The following CCND3 variants were observed in gnomAD, a reference collection of about 807,000 sequenced individuals.
CCND3 encodes the protein G1/S-specific cyclin-D3.
CCND3 carries 9 observed loss-of-function variants against 28.7 expected under a neutral mutation model. The observed-to-expected ratio is 0.31, with a 90% CI of 0.19 to 0.55. CCND3 has a LOEUF of 0.55. Ranked by LOEUF, CCND3 falls within the 20% of genes least tolerant of loss-of-function variation. The probability of loss-of-function intolerance (pLI) is 0.93; values close to 1 mark genes in which losing one functional copy is unlikely to be tolerated. For synonymous variants in CCND3, 164 were observed against 163.9 expected (o/e 1.00, Z 0.00); for missense variants, 315 against 385.8 (o/e 0.82, Z 1.54).
At chr6:41,950,391 G>A (rs1776273980) in intron 1 of CCND3, among the ~76,000 whole-genome samples, 1 of 152,138 alleles carries the variant, frequency 6.6e-6, no homozygotes, top group Admixed American at 6.6e-5. Flanking sequence ...GTGAGCTCTG[G>A]ATTTAGGTTG....
At chr6:41,959,346 A>C (rs1226832763) in intron 1 of CCND3, among the ~76,000 whole-genome samples, 1 of 151,918 alleles carries the variant, frequency 6.6e-6, no homozygotes, top group Non-Finnish European at 1.5e-5. Context: ...AAAACCAAAC[A>C]AACAAATGTC....
intron 1 of CCND3, among the ~76,000 whole-genome samples, chr6:42,037,665 C>T (rs1389116630): frequency 6.6e-6 from 1 of 151,964 alleles, no homozygotes; most frequent in Non-Finnish European, 1.5e-5. Context: ...TAGGGAGGGA[C>T]AAGTCAAAAG....
intron 1 of CCND3, among the ~76,000 whole-genome samples, chr6:41,958,402 C>T (rs951674246): frequency 6.6e-6 from 1 of 152,048 alleles, no homozygotes; most frequent in Admixed American, 6.6e-5. Flanking sequence ...CTCGAAAACC[C>T]CTGCTAGGTG....
At chr6:41,964,491 T>C (rs1384874078) in intron 1 of CCND3, among the ~76,000 whole-genome samples, 1 of 133,400 alleles carries the variant, frequency 7.5e-6, no homozygotes, top group Admixed American at 7.9e-5. Context: ...TGTGAATGTG[T>C]GTGTGTGAGT....
intron 1 of CCND3, among the ~76,000 whole-genome samples, chr6:41,960,702 C>T (rs1298163077): frequency 6.6e-6 from 1 of 152,192 alleles, no homozygotes; most frequent in Non-Finnish European, 1.5e-5. Flanking sequence ...AAATCTGGTA[C>T]ATGGTGGATG....
chr6:42,012,351 A>G (rs1475670905), intron 1 of CCND3, among the ~76,000 whole-genome samples: 3 of 151,936 alleles, frequency 2.0e-5, no homozygotes, highest in Admixed American at 2.0e-4. Context: ...GGGGGCGGGG[A>G]GTGGAGGTTG....
intron 1 of CCND3, among the ~76,000 whole-genome samples, chr6:42,011,470 G>C (rs897333054): frequency 5.9e-5 from 9 of 152,132 alleles, no homozygotes; most frequent in African/African-American, 2.2e-4. Flanking sequence ...CTCCACTAGA[G>C]ATTTTGATTC....
At chr6:42,028,978 T>G (rs1013262594) in intron 1 of CCND3, among the ~76,000 whole-genome samples, 3 of 148,106 alleles carry the variant, frequency 2.0e-5, no homozygotes, top group African/African-American at 7.8e-5. Flanking sequence ...ACGGTTTTTT[T>G]TTTTTTTTCC....
intron 1 of CCND3, among the ~76,000 whole-genome samples, chr6:42,036,404 T>TA (rs1554168369): frequency 3.4e-3 from 72 of 20,906 alleles, no homozygotes; most frequent in Admixed American, 6.3e-3. Context: ...TATATATATA[T>TA]TTTTTTTTTT....
At position 41,955,726 on chromosome 6, in the gene CCND3, G is replaced by A. The variant is rs549107792; in HGVS notation, c.-45-15141C>T. ...GACTAAGGAGGCAGGAGGATTGCTC[G>A]AGGCCAGGAGTTTGAAACCAGCCTG... On this transcript the variant is annotated intron_variant, in intron 1 of 4. Coordinates refer to the CCND3 transcript ENST00000372988. Among the ~76,000 whole-genome samples the A allele has an allele frequency of 5.9e-5, 9 of 151,540 alleles. No homozygotes were observed. In the East Asian group the frequency reaches 1.4e-3, roughly 23 times the overall value.
chr6:42,000,234 CTTTTTTTTTT>C (rs70987562), intron 1 of CCND3, among the ~76,000 whole-genome samples: 875 of 51,038 alleles, frequency 0.017, 33 homozygotes, highest in Admixed American at 0.034. Context: ...TGAAAACATA[CTTTTTTTTTT>C]TTTTTTTTTT....
At position 41,937,431 on chromosome 6, in the gene CCND3, AGAAGT is replaced by A. The variant is rs1561950353; in HGVS notation, c.415-42_415-38del. 5.0e-6 allele frequency: 8 copies of A among 1,611,522 alleles called. No homozygotes were observed. In the Admixed American group the frequency reaches 6.7e-5, roughly 13 times the overall value. On this transcript the variant is annotated intron_variant, in intron 2 of 4. Transcript: ENST00000372991. Reference sequence around the variant, plus strand: ...GGGAAAGGGTGGGGTCAGTGGCTGGAGAAGTGAAGAGGAGGGAGCAAAGCAGAAGT... The same window carrying A: ...GGGAAAGGGTGGGGTCAGTGGCTGGAGAAGAGGAGGGAGCAAAGCAGAAGT...
intron 1 of CCND3, among the ~76,000 whole-genome samples, chr6:42,046,293 C>T (rs556157467): frequency 6.6e-5 from 10 of 152,282 alleles, no homozygotes; most frequent in African/African-American, 2.4e-4. Flanking sequence ...ATTATCCCAG[C>T]CTGTCTGGAG....
At position 41,941,641 on chromosome 6, in the gene CCND3, C is replaced by A; in HGVS notation, c.9G>T (p.Leu3=). ME[L]LCCEGTRHAP... ...CGTGCCGGGTGCCTTCGCAACACAG[C>A]AGCTCCATACTCGGGCAGCGAACAG... Residue 3 remains leucine (L), a synonymous_variant, in exon 1 of 5, where the codon CTG becomes CTT. Coordinates refer to ENST00000372991, the MANE Select transcript of CCND3 (RefSeq NM_001760.5). The surrounding 1 kb of genome is among the most constrained non-coding windows in gnomAD (Gnocchi z 6.1). The A allele has an allele frequency of 6.8e-7, 1 of 1,466,638 alleles. No homozygotes were observed. Among genetic ancestry groups the A allele is most frequent in the Non-Finnish European group, 9.0e-7 (1 of 1,108,364 alleles). 90.9% of individuals were successfully genotyped at this position (1,466,638 alleles called of 1,614,324 possible).
At chr6:41,971,398 G>A (rs1193462348) in intron 1 of CCND3, among the ~76,000 whole-genome samples, 1 of 151,988 alleles carries the variant, frequency 6.6e-6, no homozygotes, top group Non-Finnish European at 1.5e-5. Flanking sequence ...CTGAGTAGCT[G>A]GGACTACAGG....
At chr6:41,942,341 T>C (rs1776060957), upstream of CCND3, among the ~76,000 whole-genome samples, 2 of 152,342 alleles carry the variant, frequency 1.3e-5, no homozygotes, top group East Asian at 3.9e-4. Context: ...TTCTACACCA[T>C]TGCTAGTTAA....
chr6:41,943,845 T>C (rs947215242), upstream of CCND3, among the ~76,000 whole-genome samples: 1 of 152,244 alleles, frequency 6.6e-6, no homozygotes, highest in African/African-American at 2.4e-5. Flanking sequence ...ACATTTCTTA[T>C]GTACATTACC....
At chr6:42,028,747 T>G (rs977372515) in intron 1 of CCND3, among the ~76,000 whole-genome samples, 1 of 152,198 alleles carries the variant, frequency 6.6e-6, no homozygotes, top group Non-Finnish European at 1.5e-5. Flanking sequence ...AGTTTCCTTA[T>G]CTGCACAGTA....
At chr6:41,949,151 C>T (rs1297125250) in intron 1 of CCND3, among the ~76,000 whole-genome samples, 1 of 152,132 alleles carries the variant, frequency 6.6e-6, no homozygotes, top group Admixed American at 6.6e-5. Flanking sequence ...GGTTCAAGAC[C>T]AGCCTAGGCA....
Sources: allele counts gnomAD v4.1 joint callset (sites outside exome capture counted in the v4.1 genomes callset), GRCh38; gene constraint gnomAD v4.1.1; non-coding constraint Gnocchi (gnomAD v3.1); transcripts MANE v1.5; gene names NCBI Gene and HGNC (gene_info 2026-07-23, HGNC 2026-07-21).